MSN: variants seen among roughly 807,000 people sequenced by gnomAD.
MSN encodes the protein epididymis luminal protein 70.
In MSN, 2 loss-of-function variants were observed where a neutral mutation model predicts 48.0. The observed-to-expected ratio is 0.04, with a 90% CI of 0.02 to 0.13. The LOEUF is 0.13. MSN is among the 10% of genes least tolerant of loss of function. The pLI is 1.00. For synonymous variants in MSN, 146 were observed against 166.9 expected (o/e 0.87, Z 0.97); for missense variants, 267 against 470.1 (o/e 0.57, Z 3.99).
chrX:65,709,625 A>T (rs1359287576), intron 1 of MSN, among the ~76,000 whole-genome samples: 1 of 112,509 alleles, frequency 8.9e-6, no homozygotes, highest in Non-Finnish European at 1.9e-5. Context: ...CAATTGATTT[A>T]TTTAATAAAT....
intron 1 of MSN, among the ~76,000 whole-genome samples, chrX:65,698,154 T>C: frequency 9.0e-6 from 1 of 111,500 alleles, no homozygotes; most frequent in South Asian, 3.7e-4. Flanking sequence ...TGAGGATTAG[T>C]GCTTGCCTTC....
At chrX:65,603,144 A>C (rs751435868) in intron 1 of MSN, among the ~76,000 whole-genome samples, 59 of 111,385 alleles carry the variant, frequency 5.3e-4, no homozygotes, top group African/African-American at 1.5e-3. Flanking sequence ...AAATACAAAA[A>C]TTATTTGGGC....
rs149118766 is a variant in MSN, at chrX:65,632,167, G to T, written c.-22+43555G>T. On this transcript the variant is annotated intron_variant, in intron 1 of 3. Transcript: ENST00000609672. ...TAATGCAACAGTGTTGGAATGTGGG[G>T]CCTAATAATAGATTGTTAAGCCATG... Among the ~76,000 whole-genome samples the T allele has an allele frequency of 7.3e-3, 819 of 112,137 alleles. 8 individuals carry two copies. The highest frequency in any genetic ancestry group is 0.026 in the African/African-American group (791 of 30,899).
At chrX:65,666,295 G>C (rs1218368733), upstream of MSN, among the ~76,000 whole-genome samples, 1 of 109,542 alleles carries the variant, frequency 9.1e-6, no homozygotes, top group Non-Finnish European at 1.9e-5. Flanking sequence ...TAGGATTACA[G>C]GTGTAAGCCA....
chrX:65,680,604 A>G (rs1373391739), intron 1 of MSN, among the ~76,000 whole-genome samples: 1 of 111,429 alleles, frequency 9.0e-6, no homozygotes, highest in Non-Finnish European at 1.9e-5. Context: ...ACCCCATTCT[A>G]GCTTCCTCTC....
At chrX:65,728,037 A>G in intron 3 of MSN, 128 bp downstream of exon 3, 1 of 540,507 alleles carries the variant, frequency 1.9e-6, no homozygotes, top group Admixed American at 3.4e-5. Context: ...TGGTCTGTTG[A>G]CCACTTGGAT....
exon 1 of MSN, chrX:65,588,435 T>C (rs1402748142): frequency 7.3e-6 from 3 of 411,660 alleles, no homozygotes; most frequent in Admixed American, 8.0e-5. Flanking sequence ...CTTGGCTATC[T>C]CTTCCCTGAG....
rs375641204 is a variant in MSN at position 65,629,481 on chromosome X, G to A, written c.-22+40869G>A. 6.3e-5 allele frequency among the ~76,000 whole-genome samples: 7 copies of A among 111,812 alleles called. No homozygotes were observed. In the East Asian group the frequency reaches 1.7e-3, roughly 27 times the overall value. ...CACATTTTTGGGTATCTTTTCAGTA[G>A]TGCCCCACTCTACTGGTATCAGTTT... On this transcript the variant is annotated intron_variant, in intron 1 of 3. Coordinates refer to the MSN transcript ENST00000609672.
intron 1 of MSN, among the ~76,000 whole-genome samples, chrX:65,641,441 A>G (rs1213198673): frequency 1.2e-4 from 12 of 98,775 alleles, no homozygotes. Context: ...GAGGCAGGAG[A>G]ATCACTTGAG....
intron 1 of MSN, among the ~76,000 whole-genome samples, chrX:65,642,909 G>C (rs1396189570): frequency 1.8e-5 from 2 of 110,951 alleles, no homozygotes; most frequent in East Asian, 5.7e-4. Flanking sequence ...CTGTGAGTTA[G>C]AGCAAAGGCC....
At chrX:65,608,877 G>T (rs750112368) in intron 1 of MSN, among the ~76,000 whole-genome samples, 8 of 110,422 alleles carry the variant, frequency 7.2e-5, no homozygotes, top group Non-Finnish European at 1.1e-4. Flanking sequence ...CACAATAGGT[G>T]CTCAAGAAAT....
intron 1 of MSN, among the ~76,000 whole-genome samples, chrX:65,647,139 A>T (rs970027488): frequency 9.0e-6 from 1 of 111,336 alleles, no homozygotes; most frequent in Non-Finnish European, 1.9e-5. Context: ...TCAAGACTCA[A>T]ATAATTGTAT....
At chrX:65,595,326 C>T (rs2070178379) in intron 1 of MSN, among the ~76,000 whole-genome samples, 1 of 112,236 alleles carries the variant, frequency 8.9e-6, no homozygotes, top group African/African-American at 3.2e-5. Context: ...ATCCACACCC[C>T]TGACATTTAC....
intron 1 of MSN, chrX:65,716,553 G>T: frequency 2.5e-6 from 1 of 399,211 alleles, no homozygotes; most frequent in Non-Finnish European, 4.7e-6. Context: ...TGGGATTACA[G>T]GCATGAGGCA....
At chrX:65,674,425 C>G (rs1200212485) in intron 1 of MSN, among the ~76,000 whole-genome samples, 1 of 111,494 alleles carries the variant, frequency 9.0e-6, no homozygotes, top group African/African-American at 3.3e-5. Context: ...AGAGAACTGG[C>G]TCTGTGGTGA....
In MSN at chrX:65,684,855, C is replaced by T. The variant is rs143449628; in HGVS notation, c.12+17002C>T. ...TTGGGCTTAAGCAGTCCTCCTGTCTCAGCCCCCTGAGTGGCTAAGACTACA... is the reference window on the plus strand; with the variant it reads ...TTGGGCTTAAGCAGTCCTCCTGTCTTAGCCCCCTGAGTGGCTAAGACTACA... On this transcript the variant is annotated intron_variant, in intron 1 of 12. Transcript: ENST00000360270. 7.9e-3 allele frequency among the ~76,000 whole-genome samples: 889 copies of T among 112,719 alleles called. 10 individuals carry two copies. The highest frequency in any genetic ancestry group is 0.026 in the African/African-American group (813 of 31,059).
chrX:65,654,454 C>A (rs763106001), intron 1 of MSN, among the ~76,000 whole-genome samples: 1 of 109,731 alleles, frequency 9.1e-6, no homozygotes, highest in African/African-American at 3.3e-5. Flanking sequence ...CCTTATATAT[C>A]CTCCTGGCCA....
intron 1 of MSN, among the ~76,000 whole-genome samples, chrX:65,683,512 T>G (rs2071079566): frequency 9.4e-6 from 1 of 106,461 alleles, no homozygotes; most frequent in Non-Finnish European, 1.9e-5. Flanking sequence ...GGTAGACTAA[T>G]TTTGGGGGCA....
intron 1 of MSN, among the ~76,000 whole-genome samples, chrX:65,678,228 A>G (rs2071021287): frequency 9.0e-6 from 1 of 111,534 alleles, no homozygotes; most frequent in South Asian, 3.7e-4. Context: ...AGTACAGGGA[A>G]TGCCTTCTTC....
Sources: gnomAD v4.1 joint callset for allele counts (sites outside exome capture counted in the v4.1 genomes callset) on GRCh38, gnomAD v4.1.1 for gene constraint, MANE v1.5 for transcripts, NCBI Gene and HGNC (gene_info 2026-07-23, HGNC 2026-07-21) for gene names.